The following FBXO4 variants were observed in gnomAD, a reference collection of about 807,000 sequenced individuals.
FBXO4 encodes F-box protein 4, also known as F-box only protein 4.
Under a neutral mutation model 43.7 loss-of-function variants are expected in FBXO4, and 36 were observed. That is an observed-to-expected ratio of 0.82 (90% CI 0.63 to 1.09). The LOEUF (loss-of-function observed/expected upper bound fraction) is 1.09. FBXO4 is among the 50% of genes least tolerant of loss of function. The probability of loss-of-function intolerance (pLI) is 0.00; values close to 1 mark genes in which losing one functional copy is unlikely to be tolerated. For synonymous variants in FBXO4, 180 were observed against 165.6 expected, an observed-to-expected ratio of 1.09 and a Z score of -0.67; for missense variants, 435 against 474.1, an observed-to-expected ratio of 0.92 and a Z score of 0.77.
Position 41,941,162 on chromosome 5 carries a change from C to T in FBXO4, c.1075-30C>T, listed in dbSNP as rs200501922. ...ATAAGATTTTGGACTTAGTTTCTTA[C>T]TAACAACATTCTCTCTTATGTATTC... On this transcript the variant is annotated intron_variant, in intron 6 of 6. Coordinates refer to ENST00000281623, the MANE Select transcript of FBXO4 (RefSeq NM_012176.3). The T allele has an allele frequency of 1.1e-4, 169 of 1,582,360 alleles. No homozygotes were observed. The East Asian group carries it at 3.7e-3, about 34-fold the overall frequency.
chr5:41,936,099 G>A (rs1751842019), intron 5 of FBXO4, among the ~76,000 whole-genome samples: 1 of 152,146 alleles, frequency 6.6e-6, no homozygotes, highest in African/African-American at 2.4e-5. Context: ...AGTCTTTATT[G>A]CTCTTCTACA....
At chr5:41,959,129 C>T in the FBXO4 span, among the ~76,000 whole-genome samples, 10 of 152,148 alleles carry the variant, frequency 6.6e-5, no homozygotes, top group Non-Finnish European at 1.2e-4. Context: ...GTTCTATTTG[C>T]ATTTCTCTGA....
chr5:41,962,919 T>A, the FBXO4 span, among the ~76,000 whole-genome samples: 1 of 152,190 alleles, frequency 6.6e-6, no homozygotes, highest in Admixed American at 6.5e-5. Flanking sequence ...TTTCCACTGA[T>A]TCACCAAAAA....
chr5:41,939,019 T>C (rs1751925734), intron 5 of FBXO4, among the ~76,000 whole-genome samples: 1 of 152,170 alleles, frequency 6.6e-6, no homozygotes, highest in Non-Finnish European at 1.5e-5. Flanking sequence ...TGATGCCCCA[T>C]CTTATTTGTA....
the FBXO4 span, chr5:41,963,971 G>A: frequency 2.0e-5 from 3 of 152,166 alleles, no homozygotes; most frequent in Non-Finnish European, 4.4e-5. Flanking sequence ...AGAGCAGTCA[G>A]GATGATTTTT....
intron 2 of FBXO4, among the ~76,000 whole-genome samples, chr5:41,927,923 T>C (rs1187516474): frequency 1.3e-5 from 2 of 152,248 alleles, no homozygotes; most frequent in Non-Finnish European, 1.5e-5. Flanking sequence ...AATGACATTA[T>C]ATATCTGGAT....
the FBXO4 span, among the ~76,000 whole-genome samples, chr5:41,981,703 T>C: frequency 6.6e-6 from 1 of 151,442 alleles, no homozygotes; most frequent in East Asian, 1.9e-4. Flanking sequence ...AGGTGTCCTC[T>C]AATTTCTTTT....
Position 41,941,245 on chromosome 5 carries a change from G to T in FBXO4, c.1128G>T (p.Trp376Cys), listed in dbSNP as rs1442687966. Residue 376 changes from tryptophan to cysteine, a missense_variant, in exon 7 of 7, where the codon TGG (tryptophan) becomes TGT (cysteine). Trp to Cys is a radical substitution (Grantham distance 215). Transcript: ENST00000281623. ...CTGGTTTTTTGAATGGCATTGAGTG[G>T]ATTCTTGAAGAAGTGGAATCTAAGC... Reference protein sequence around the residue: ...TLTGFLNGIEWILEEVESKRA... With the variant: ...TLTGFLNGIECILEEVESKRA... 1 of 1,613,734 alleles carries T rather than the reference G, an allele frequency of 6.2e-7. No homozygotes were observed.
chr5:41,956,987 C>G, the FBXO4 span, among the ~76,000 whole-genome samples: 1 of 152,090 alleles, frequency 6.6e-6, no homozygotes, highest in Non-Finnish European at 1.5e-5. Context: ...GCTGGGATTA[C>G]AGGCTTAAGC....
the FBXO4 span, among the ~76,000 whole-genome samples, chr5:41,993,445 T>A: frequency 6.6e-6 from 1 of 151,802 alleles, no homozygotes; most frequent in Non-Finnish European, 1.5e-5. Context: ...TAGTTACAAT[T>A]TTTTTTGTGG....
chr5:41,957,700 A>G, the FBXO4 span, among the ~76,000 whole-genome samples: 2 of 151,770 alleles, frequency 1.3e-5, no homozygotes, highest in Admixed American at 1.3e-4. Flanking sequence ...CCTCTTTGAT[A>G]ATTTTAACAC....
chr5:41,947,509 G>C, the FBXO4 span, among the ~76,000 whole-genome samples: 1 of 152,236 alleles, frequency 6.6e-6, no homozygotes, highest in Admixed American at 6.5e-5. Flanking sequence ...GAAGCCAAGA[G>C]TGTATTTTGT....
the FBXO4 span, among the ~76,000 whole-genome samples, chr5:41,993,136 A>T: frequency 6.6e-6 from 1 of 152,220 alleles, no homozygotes; most frequent in Admixed American, 6.5e-5. Flanking sequence ...AATTCATTTA[A>T]CAAATATTTG....
At chr5:41,998,672 T>A in the FBXO4 span, among the ~76,000 whole-genome samples, 188 of 152,286 alleles carry the variant, frequency 1.2e-3, no homozygotes, top group Non-Finnish European at 2.2e-3. Context: ...ACCCTTAATA[T>A]GAGAGGGGAT....
the FBXO4 span, among the ~76,000 whole-genome samples, chr5:42,001,214 GTCATTCATTCAT>G: frequency 5.1e-5 from 7 of 136,028 alleles, no homozygotes; most frequent in African/African-American, 1.9e-4. Context: ...TGAAAACATT[GTCATTCATTCAT>G]TCATTCATTC....
intron 2 of FBXO4, among the ~76,000 whole-genome samples, chr5:41,928,905 A>T (rs1751594464): frequency 6.6e-6 from 1 of 152,200 alleles, no homozygotes; most frequent in African/African-American, 2.4e-5. Flanking sequence ...TAAAATGCAT[A>T]ATTGGTACTT....
the FBXO4 span, among the ~76,000 whole-genome samples, chr5:42,000,144 G>T: frequency 9.2e-5 from 14 of 152,040 alleles, no homozygotes; most frequent in Non-Finnish European, 1.8e-4. Context: ...GTCACAAATG[G>T]CAGAATTTAT....
chr5:41,976,960 A>G, the FBXO4 span, among the ~76,000 whole-genome samples: 1 of 152,202 alleles, frequency 6.6e-6, no homozygotes, highest in Non-Finnish European at 1.5e-5. Flanking sequence ...TGTGCCTGCC[A>G]CTTAACACTA....
chr5:41,952,590 C>G, the FBXO4 span, among the ~76,000 whole-genome samples: 3 of 152,224 alleles, frequency 2.0e-5, no homozygotes, highest in Admixed American at 2.0e-4. Context: ...GAACTTTGTG[C>G]CTTTTAGCTG....
Sources: gnomAD v4.1 joint callset for allele counts (sites outside exome capture counted in the v4.1 genomes callset) on GRCh38, gnomAD v4.1.1 for gene constraint, MANE v1.5 for transcripts, NCBI Gene and HGNC (gene_info 2026-07-23, HGNC 2026-07-21) for gene names.